The following NEB variants were observed in gnomAD, a reference collection of about 807,000 sequenced individuals.
NEB encodes nebulin.
In NEB, 512 loss-of-function variants were observed where a neutral mutation model predicts 952.2. The ratio of observed to expected loss-of-function variants is 0.54; its 90% CI spans 0.50 to 0.58. The LOEUF (loss-of-function observed/expected upper bound fraction) is 0.58. NEB is among the 20% of genes least tolerant of loss of function. The pLI is 0.00. For synonymous variants in NEB, 2,900 were observed against 3,149.8 expected, an observed-to-expected ratio of 0.92 and a Z score of 2.66; for missense variants, 8,428 against 9,231.1, an observed-to-expected ratio of 0.91 and a Z score of 3.56.
Position 151,567,496 on chromosome 2 carries a change from T to C in NEB, c.17845-17A>G. 1 of 1,583,976 alleles carries C rather than the reference T, an allele frequency of 6.3e-7. No homozygotes were observed. Among genetic ancestry groups the C allele is most frequent in the East Asian group, 2.3e-5 (1 of 43,860 alleles). On this transcript the variant is annotated splice_polypyrimidine_tract_variant and intron_variant, in intron 113 of 181. Coordinates refer to ENST00000397345, the MANE Select transcript of NEB (RefSeq NM_001164508.2). ...GTATTTCAGCTGGCGAGAAGAGGAA[T>C]ATAAATTCCATCAGTTTTGACAAGC...
chr2:151,575,313 G>A (rs1352820813), intron 107 of NEB, among the ~76,000 whole-genome samples: 2 of 151,878 alleles, frequency 1.3e-5, no homozygotes, highest in African/African-American at 2.4e-5. Flanking sequence ...AACCCCCCGA[G>A]GTCCATGTTT....
chr2:151,529,678 G>A (rs2089386115), intron 145 of NEB, among the ~76,000 whole-genome samples: 1 of 152,040 alleles, frequency 6.6e-6, no homozygotes, highest in African/African-American at 2.4e-5. Context: ...CCACAGGCAT[G>A]CGCCACCTCA....
At chr2:151,494,338 A>ATTATC (rs777147244) in intron 173 of NEB, 85 bp from the exon 174 acceptor site, 4 of 941,664 alleles carry the variant, frequency 4.2e-6, no homozygotes, top group Non-Finnish European at 4.9e-6. Context: ...ATAACTTTTG[A>ATTATC]TTATCTTTAG....
chr2:151,505,667 A>AAATT lies in NEB; in HGVS notation c.23650-101_23650-98dup, dbSNP rs2068235632. On this transcript the variant is annotated intron_variant, in intron 164 of 181. Coordinates refer to ENST00000397345, the MANE Select transcript of NEB (RefSeq NM_001164508.2). Reference sequence around the variant, plus strand: ...GTTTTTTGTAGCCCCCAAATTAAAAAAATTAACAGTGTAAATAACGCAGGC... The same window carrying AAATT: ...GTTTTTTGTAGCCCCCAAATTAAAAAAATTAATTAACAGTGTAAATAACGCAGGC... The AAATT allele has an allele frequency of 1.6e-5, 16 of 999,684 alleles. No individual in the cohort carries two copies. In the South Asian group the frequency reaches 2.1e-4, roughly 13 times the overall value. The allele number at this position is 999,684 out of a possible 1,614,324, so 61.9% of individuals were successfully genotyped here.
intron 81 of NEB, among the ~76,000 whole-genome samples, chr2:151,609,105 G>A (rs1000004138): frequency 6.7e-6 from 1 of 150,350 alleles, no homozygotes; most frequent in Non-Finnish European, 1.5e-5. Flanking sequence ...GAAGTCGTGA[G>A]TGCTAACATT....
chr2:151,650,118 T>G (rs933043483), intron 54 of NEB, 58 bp downstream of exon 54: 13 of 1,511,392 alleles, frequency 8.6e-6, no homozygotes, highest in Non-Finnish European at 8.2e-6. Flanking sequence ...GCAAGTGCTA[T>G]TGAGCAAACA....
At chr2:151,720,226 CATG>C (rs921713804) in intron 9 of NEB, among the ~76,000 whole-genome samples, 9 of 151,920 alleles carry the variant, frequency 5.9e-5, no homozygotes, top group African/African-American at 1.9e-4. Flanking sequence ...ATAAGGAAAA[CATG>C]ATAAGTAGAT....
intron 181 of NEB, chr2:151,486,337 AAGAC>A (rs973830674): frequency 6.0e-6 from 1 of 167,636 alleles, no homozygotes; most frequent in Non-Finnish European, 1.3e-5. Flanking sequence ...GATGATAAAA[AAGAC>A]AGACAATAAC....
intron 72 of NEB, among the ~76,000 whole-genome samples, chr2:151,620,196 C>G (rs533102466): frequency 4.6e-5 from 7 of 151,346 alleles, no homozygotes; most frequent in Non-Finnish European, 8.8e-5. Flanking sequence ...TGGACAATTT[C>G]TGTTATTTAA....
At chr2:151,697,783 G>A (rs930457619) in intron 13 of NEB, 135 bp from the exon 14 acceptor site, 1 of 652,180 alleles carries the variant, frequency 1.5e-6, no homozygotes, top group Non-Finnish European at 2.5e-6. Context: ...ACTGACAATT[G>A]AGGCCAGGTG....
rs200298261 is a variant in NEB, at chr2:151,697,457, T to C, written c.1258A>G (p.Lys420Glu). 5.6e-5 allele frequency: 91 copies of C among 1,611,576 alleles called. 1 individual carries two copies. The highest frequency in any genetic ancestry group is 4.9e-5 in the Non-Finnish European group (58 of 1,178,666). ...TTTAAGTAGGAATCTTTATATTTTT[T>C]CTGCAAGACAAAACATACTTCATTT... ...DTVLQNFSSD[K>E]KYKDSYLKDI... Residue 420 changes from lysine to glutamate, a missense_variant and splice_region_variant, in exon 15 of 182, where the codon AAA becomes GAA. Transcript: ENST00000397345.
At chr2:151,504,578 C>CAA (rs1480435429) in intron 165 of NEB, among the ~76,000 whole-genome samples, 1 of 152,174 alleles carries the variant, frequency 6.6e-6, no homozygotes. Context: ...AGAGAAATAT[C>CAA]AAGTATCCTA....
rs754366347 is a variant in NEB, at chr2:151,535,794, T to C, written c.21209A>G (p.Tyr7070Cys). The C allele has an allele frequency of 1.3e-5, 20 of 1,559,610 alleles. No individual in the cohort carries two copies. The Admixed American group carries it at 2.0e-4, about 15-fold the overall frequency. ...CCTTTCAAATACTTCTTTATACTTA[T>C]ACTAGAAAAAACAGAACATGGTTAC... ...AEKNKTLYSK[Y>C]KYKEVFERTK... The change falls in exon 142 of 182, where the codon TAT becomes TGT. Residue 7070 changes from tyrosine to cysteine, a missense_variant and splice_region_variant. Transcript: ENST00000397345.
At position 151,535,735 on chromosome 2, in the gene NEB, G is replaced by C. The variant is rs371704528; in HGVS notation, c.21268C>G (p.Pro7090Ala). ...KSDFKYVADS[P>A]INRHFKYATQ... is the part of the protein sequence containing the mutation. ...GCATACTTGAAATGCCTATTGATCGGAGAGTCGGCAACATACTTGAAATCT... is the reference window on the plus strand; with the variant it reads ...GCATACTTGAAATGCCTATTGATCGCAGAGTCGGCAACATACTTGAAATCT... Residue 7090 changes from proline to alanine, a missense_variant, in exon 142 of 182, where the codon CCG becomes GCG. Around this residue, in one of 11 missense-constraint regions of NEB, gnomAD observed 3,374 missense variants for 3,651.5 expected, o/e 0.92. Coordinates refer to ENST00000397345, the MANE Select transcript of NEB (RefSeq NM_001164508.2). The C allele has an allele frequency of 8.0e-5, 129 of 1,609,518 alleles. No individual in the cohort carries two copies. Among genetic ancestry groups the C allele is most frequent in the Middle Eastern group, 3.3e-4 (2 of 6,080 alleles).
chr2:151,548,477 T>A (rs1473561899), intron 130 of NEB, 62 bp from the exon 131 acceptor site: 2 of 1,158,252 alleles, frequency 1.7e-6, no homozygotes, highest in Non-Finnish European at 2.6e-6. Flanking sequence ...ATTACATTTC[T>A]CCAAATAGAA....
intron 4 of NEB, among the ~76,000 whole-genome samples, chr2:151,728,674 CA>C (rs1314822842): frequency 6.6e-6 from 1 of 152,012 alleles, no homozygotes; most frequent in Non-Finnish European, 1.5e-5. Flanking sequence ...GGGTCTAATC[CA>C]AGGTTAAAAA....
At chr2:151,621,961 G>A (rs183573045) in intron 71 of NEB, among the ~76,000 whole-genome samples, 135 of 152,182 alleles carry the variant, frequency 8.9e-4, no homozygotes, top group African/African-American at 3.1e-3. Flanking sequence ...AAGTTTTGAT[G>A]GGCAATAATG....
At chr2:151,561,517 G>A (rs954443847) in intron 121 of NEB, among the ~76,000 whole-genome samples, 5 of 151,382 alleles carry the variant, frequency 3.3e-5, no homozygotes, top group East Asian at 1.9e-4. Context: ...TTGAGATTTT[G>A]GCCATTTTGT....
At chr2:151,690,665 T>C in intron 24 of NEB, 62 bp downstream of exon 24, 1 of 1,199,782 alleles carries the variant, frequency 8.3e-7, no homozygotes, top group Non-Finnish European at 1.2e-6. Context: ...ATGTAAATGC[T>C]TACATTTTAA....
Sources: allele counts gnomAD v4.1 joint callset (sites outside exome capture counted in the v4.1 genomes callset), GRCh38; gene constraint gnomAD v4.1.1; regional missense constraint gnomAD v4.1.1; transcripts MANE v1.5; gene names NCBI Gene and HGNC (gene_info 2026-07-23, HGNC 2026-07-21).